The following ST3GAL6 variants were observed in gnomAD, a reference collection of about 807,000 sequenced individuals.
The protein encoded by ST3GAL6 is ST3 beta-galactoside alpha-2,3-sialyltransferase 6.
ST3GAL6 carries 31 observed loss-of-function variants against 40.5 expected under a neutral mutation model. The observed-to-expected ratio is 0.77, with a 90% confidence interval of 0.58 to 1.03. The LOEUF (loss-of-function observed/expected upper bound fraction) is 1.03. Among genes scored for constraint, ST3GAL6 ranks in the 50% least tolerant of loss-of-function variants. ST3GAL6 has a pLI of 0.00. For synonymous variants in ST3GAL6, 129 were observed against 136.9 expected (o/e 0.94, Z 0.40); for missense variants, 357 against 393.2 (o/e 0.91, Z 0.78).
intron 1 of ST3GAL6, among the ~76,000 whole-genome samples, chr3:98,766,990 T>C (rs1275168362): frequency 6.6e-6 from 1 of 152,230 alleles, no homozygotes. Context: ...ACAGGGATTA[T>C]GTATACCTAA....
intron 4 of ST3GAL6, 27 bp downstream of exon 4, chr3:98,772,943 C>A: frequency 6.9e-7 from 1 of 1,454,428 alleles, no homozygotes; most frequent in Non-Finnish European, 9.6e-7. Context: ...TTACCTGGTT[C>A]TGTTAAATTT....
At chr3:98,780,243 G>A (rs1452323705) in intron 5 of ST3GAL6, among the ~76,000 whole-genome samples, 1 of 152,178 alleles carries the variant, frequency 6.6e-6, no homozygotes, top group Non-Finnish European at 1.5e-5. Flanking sequence ...AGCCATGGTG[G>A]TACTATGAAT....
At chr3:98,736,700 T>A (rs1426610122) in intron 1 of ST3GAL6, among the ~76,000 whole-genome samples, 2 of 152,204 alleles carry the variant, frequency 1.3e-5, no homozygotes, top group Non-Finnish European at 2.9e-5. Flanking sequence ...AGAGATGTTC[T>A]TGTGGGTGGG....
chr3:98,742,236 A>G (rs1559720935), intron 1 of ST3GAL6, among the ~76,000 whole-genome samples: 1 of 152,146 alleles, frequency 6.6e-6, no homozygotes, highest in South Asian at 2.1e-4. Flanking sequence ...GCAATACCTG[A>G]TGTTAATATT....
chr3:98,778,858 G>A (rs1939801888), intron 5 of ST3GAL6, among the ~76,000 whole-genome samples: 1 of 152,218 alleles, frequency 6.6e-6, no homozygotes, highest in African/African-American at 2.4e-5. Flanking sequence ...TTTAAACTAC[G>A]TGGACATTTA....
intron 1 of ST3GAL6, among the ~76,000 whole-genome samples, chr3:98,758,291 A>G (rs1478850038): frequency 2.6e-5 from 4 of 152,220 alleles, no homozygotes; most frequent in Non-Finnish European, 5.9e-5. Context: ...CTAGGACACA[A>G]TATCTGAATC....
intron 8 of ST3GAL6, among the ~76,000 whole-genome samples, chr3:98,790,012 T>C (rs1941058690): frequency 6.6e-6 from 1 of 152,170 alleles, no homozygotes; most frequent in Non-Finnish European, 1.5e-5. Context: ...GTGGAGGTCA[T>C]ATTGGTGATA....
intron 1 of ST3GAL6, among the ~76,000 whole-genome samples, chr3:98,758,083 C>G (rs1415985515): frequency 1.3e-5 from 2 of 152,222 alleles, no homozygotes; most frequent in African/African-American, 4.8e-5. Context: ...TAGTGACCCA[C>G]CTGCCTTGGC....
intron 5 of ST3GAL6, among the ~76,000 whole-genome samples, chr3:98,774,500 C>A (rs1939327192): frequency 6.6e-6 from 1 of 152,146 alleles, no homozygotes; most frequent in African/African-American, 2.4e-5. Context: ...AGTTTTTAGA[C>A]AATTTTGTCA....
Position 98,742,873 on chromosome 3 carries a change from T to C in ST3GAL6, c.-12+10341T>C, listed in dbSNP as rs1936218349. Among the ~76,000 whole-genome samples, 4 of 151,758 alleles carry C rather than the reference T, an allele frequency of 2.6e-5. No homozygotes were observed. The South Asian group carries it at 8.3e-4, about 31-fold the overall frequency. On this transcript the variant is annotated intron_variant, in intron 1 of 9. Transcript: ENST00000265261. ...CCACCACACCTGGCTAATTTTTTTG[T>C]ATTTTTAGTAGAGACGGGGTTTGTC...
chr3:98,749,310 G>A (rs1412381684), intron 1 of ST3GAL6, among the ~76,000 whole-genome samples: 3 of 151,960 alleles, frequency 2.0e-5, no homozygotes, highest in Non-Finnish European at 4.4e-5. Flanking sequence ...TAAATTATAA[G>A]TTGCCCTAAA....
chr3:98,770,391 T>C (rs1938844020), intron 2 of ST3GAL6: 2 of 158,030 alleles, frequency 1.3e-5, no homozygotes, highest in African/African-American at 2.4e-5. Context: ...AATAGTGTGA[T>C]TTGTAGAGTC....
intron 1 of ST3GAL6, 60 bp from the exon 2 acceptor site, chr3:98,768,370 T>C: frequency 8.2e-7 from 1 of 1,224,302 alleles, no homozygotes; most frequent in Non-Finnish European, 1.2e-6. Context: ...TGAGCCATTG[T>C]GAAAATCCAT....
chr3:98,782,459 G>C (rs1940224537), intron 5 of ST3GAL6: 1 of 616,336 alleles, frequency 1.6e-6, no homozygotes, highest in South Asian at 1.9e-5. Flanking sequence ...AGTCTCTTCT[G>C]GTGATGGAGA....
intron 1 of ST3GAL6, among the ~76,000 whole-genome samples, chr3:98,743,472 A>G (rs1576030197): frequency 6.6e-6 from 1 of 152,282 alleles, no homozygotes; most frequent in African/African-American, 2.4e-5. Context: ...CTCCTCCCAG[A>G]TAATGCCCCT....
chr3:98,776,627 C>T (rs952948764), intron 5 of ST3GAL6, among the ~76,000 whole-genome samples: 1 of 152,196 alleles, frequency 6.6e-6, no homozygotes, highest in African/African-American at 2.4e-5. Context: ...GCTTTCTTTA[C>T]TGATATTTAT....
In ST3GAL6 at chr3:98,794,391, A is replaced by AAAC. The variant is rs1459932883; in HGVS notation, c.*631_*633dup. On this transcript the variant is annotated 3_prime_UTR_variant, in exon 10 of 10. Coordinates refer to ENST00000483910, the MANE Select transcript of ST3GAL6 (RefSeq NM_001323368.2). ...TAACTAAAGAAAGAATACAATTACT[A>AAAC]AACTCTGATGGCTTTGTATTATTTT... The AAAC allele has an allele frequency of 3.3e-5, 5 of 152,168 alleles. No individual in the cohort carries two copies. Among genetic ancestry groups the AAAC allele is most frequent in the Admixed American group, 3.3e-4 (5 of 15,264 alleles). The allele number at this position is 152,168 out of a possible 1,614,324, so 9.4% of individuals were successfully genotyped here. A position where few individuals can be genotyped will look rare whatever the true frequency, so the allele number is the denominator to read the frequency against.
At chr3:98,732,993 G>T in intron 1 of ST3GAL6, 1 of 1,486,990 alleles carries the variant, frequency 6.7e-7, no homozygotes, top group Non-Finnish European at 8.9e-7. Flanking sequence ...CGGCTTCGCT[G>T]CGGGTTTGCA....
chr3:98,736,008 G>T (rs1935515515), intron 1 of ST3GAL6, among the ~76,000 whole-genome samples: 1 of 152,184 alleles, frequency 6.6e-6, no homozygotes, highest in Non-Finnish European at 1.5e-5. Flanking sequence ...TGGCAGTGAG[G>T]TTATGAAAGT....
Sources: gnomAD v4.1 joint callset for allele counts (sites outside exome capture counted in the v4.1 genomes callset) on GRCh38, gnomAD v4.1.1 for gene constraint, MANE v1.5 for transcripts, NCBI Gene and HGNC (gene_info 2026-07-23, HGNC 2026-07-21) for gene names.